PKIA: variants seen among roughly 807,000 people sequenced by gnomAD.
PKIA encodes the protein cAMP-dependent protein kinase inhibitor alpha.
In PKIA, 4 loss-of-function variants were observed where a neutral mutation model predicts 7.6. That is an observed-to-expected ratio of 0.52 (90% CI 0.26 to 1.20). The LOEUF (loss-of-function observed/expected upper bound fraction) is 1.20. Among genes scored for constraint, PKIA ranks in the 50% most tolerant of loss-of-function variants. The probability of loss-of-function intolerance (pLI) is 0.13; values close to 1 mark genes in which losing one functional copy is unlikely to be tolerated. For synonymous variants in PKIA, 21 were observed against 30.7 expected (o/e 0.68, Z 1.04); for missense variants, 73 against 86.2 (o/e 0.85, Z 0.61).
At chr8:78,528,483 G>T (rs1460459956) in intron 1 of PKIA, among the ~76,000 whole-genome samples, 1 of 151,948 alleles carries the variant, frequency 6.6e-6, no homozygotes, top group African/African-American at 2.4e-5. Context: ...CAATAGAAGT[G>T]ATGTTTCTAA....
At chr8:78,539,673 A>G (rs1806623580) in intron 1 of PKIA, among the ~76,000 whole-genome samples, 1 of 152,064 alleles carries the variant, frequency 6.6e-6, no homozygotes, top group African/African-American at 2.4e-5. Context: ...AAAAAAATGA[A>G]GAATATGTGA....
intron 1 of PKIA, among the ~76,000 whole-genome samples, chr8:78,536,464 G>A (rs1427356846): frequency 6.6e-6 from 1 of 152,094 alleles, no homozygotes; most frequent in East Asian, 1.9e-4. Flanking sequence ...AGAAAAAGAA[G>A]AGGAGTCTGA....
At chr8:78,562,748 A>T (rs1025082490) in intron 1 of PKIA, among the ~76,000 whole-genome samples, 3 of 152,008 alleles carry the variant, frequency 2.0e-5, no homozygotes, top group African/African-American at 7.3e-5. Flanking sequence ...TTGTTTACTT[A>T]TGTACTCTAC....
chr8:78,586,769 C>T (rs1245706673), intron 2 of PKIA, among the ~76,000 whole-genome samples: 1 of 152,078 alleles, frequency 6.6e-6, no homozygotes, highest in East Asian at 1.9e-4. Flanking sequence ...AGTTTATACC[C>T]CACTGCAAAC....
chr8:78,524,704 A>C (rs1225534235), intron 1 of PKIA, among the ~76,000 whole-genome samples: 1 of 151,964 alleles, frequency 6.6e-6, no homozygotes, highest in Admixed American at 6.6e-5. Context: ...ATTTCAAAGC[A>C]AAGCATGAAA....
At chr8:78,530,123 C>T (rs916651781) in intron 1 of PKIA, among the ~76,000 whole-genome samples, 16 of 151,932 alleles carry the variant, frequency 1.1e-4, no homozygotes, top group Non-Finnish European at 1.6e-4. Flanking sequence ...TTTAAATTAT[C>T]ACATAATTTT....
chr8:78,534,140 C>T (rs1463507319), intron 1 of PKIA: 2 of 152,026 alleles, frequency 1.3e-5, no homozygotes, highest in Admixed American at 6.6e-5. Context: ...AAGAAACTAA[C>T]CATCAGTGTT....
At chr8:78,525,813 T>G (rs1384618007) in intron 1 of PKIA, among the ~76,000 whole-genome samples, 1 of 151,994 alleles carries the variant, frequency 6.6e-6, no homozygotes, top group South Asian at 2.1e-4. Flanking sequence ...ATTTATTTAT[T>G]TGGGGACATT....
intron 1 of PKIA, among the ~76,000 whole-genome samples, chr8:78,517,603 A>G (rs1809339717): frequency 6.6e-6 from 1 of 152,160 alleles, no homozygotes; most frequent in Admixed American, 6.5e-5. Flanking sequence ...CAGAAAGCCA[A>G]TGGAGCTGCC....
chr8:78,589,500 C>G (rs909842512), intron 2 of PKIA, among the ~76,000 whole-genome samples: 1 of 151,846 alleles, frequency 6.6e-6, no homozygotes, highest in African/African-American at 2.4e-5. Context: ...GTATTTGAGT[C>G]TGATCTAAAG....
rs1027952915 is a variant in PKIA at position 78,602,903 on chromosome 8, T to C, written c.*1082T>C. 1.5e-4 allele frequency: 23 copies of C among 152,314 alleles called. No homozygotes were observed. Among genetic ancestry groups the C allele is most frequent in the African/African-American group, 5.3e-4 (22 of 41,396 alleles). 9.4% of individuals were successfully genotyped at this position (152,314 alleles called of 1,614,324 possible). A position where few individuals can be genotyped will look rare whatever the true frequency, so the allele number is the denominator to read the frequency against. On this transcript the variant is annotated 3_prime_UTR_variant, in exon 4 of 4. Transcript: ENST00000396418. ...GGAGAAAGTAATCTCCTTGCAATCA[T>C]GTGGACACCAATCACAAAAGTAAAG... is the stretch of plus-strand genomic sequence containing the variant.
chr8:78,528,972 A>C (rs1806325904), intron 1 of PKIA, among the ~76,000 whole-genome samples: 1 of 152,070 alleles, frequency 6.6e-6, no homozygotes, highest in African/African-American at 2.4e-5. Context: ...CTAATGTTGA[A>C]ATTGCTAAAA....
intron 1 of PKIA, among the ~76,000 whole-genome samples, chr8:78,549,262 G>A (rs1393837738): frequency 6.6e-6 from 1 of 152,006 alleles, no homozygotes; most frequent in Admixed American, 6.6e-5. Flanking sequence ...GCTATGTGTT[G>A]TATGACATGA....
At chr8:78,573,173 G>A (rs186281371) in intron 2 of PKIA, among the ~76,000 whole-genome samples, 5 of 152,112 alleles carry the variant, frequency 3.3e-5, no homozygotes, top group Admixed American at 2.0e-4. Context: ...CACTTAGTGA[G>A]CTCCATGCAT....
At position 78,521,438 on chromosome 8, in the gene PKIA, T is replaced by C. The variant is rs185253092; in HGVS notation, c.-157+4970T>C. Among the ~76,000 whole-genome samples, 456 of 152,100 alleles carry C rather than the reference T, an allele frequency of 3.0e-3. 4 individuals carry two copies. Among genetic ancestry groups the C allele is most frequent in the Non-Finnish European group, 3.3e-3 (225 of 67,934 alleles). On this transcript the variant is annotated intron_variant, in intron 1 of 3. Transcript: ENST00000396418. ...ATTCTCAGCTGATACTTAAAGGGAC[T>C]GGTACTAGCAAGCACGGTTCCTGAT... is the stretch of plus-strand genomic sequence containing the variant.
chr8:78,590,502 C>G (rs1003846245), intron 2 of PKIA, among the ~76,000 whole-genome samples: 5 of 152,020 alleles, frequency 3.3e-5, no homozygotes, highest in African/African-American at 1.2e-4. Context: ...GCCAGATTCT[C>G]TTATGTACTT....
chr8:78,557,812 C>T (rs1038230235), intron 1 of PKIA, among the ~76,000 whole-genome samples: 2 of 152,152 alleles, frequency 1.3e-5, no homozygotes, highest in Non-Finnish European at 2.9e-5. Context: ...TAGTTTTGAT[C>T]CAAATTTTGA....
At chr8:78,553,979 A>G (rs1807058800) in intron 1 of PKIA, among the ~76,000 whole-genome samples, 2 of 151,978 alleles carry the variant, frequency 1.3e-5, no homozygotes, top group Non-Finnish European at 2.9e-5. Context: ...CTTCATAGAC[A>G]TAGCAAAGAA....
intron 1 of PKIA, among the ~76,000 whole-genome samples, chr8:78,552,056 C>T (rs1806997303): frequency 6.6e-6 from 1 of 151,694 alleles, no homozygotes; most frequent in African/African-American, 2.4e-5. Flanking sequence ...GAAGATATTC[C>T]TGAATTGAAG....
Sources: gnomAD v4.1 joint callset for allele counts (sites outside exome capture counted in the v4.1 genomes callset) on GRCh38, gnomAD v4.1.1 for gene constraint, MANE v1.5 for transcripts, NCBI Gene and HGNC (gene_info 2026-07-23, HGNC 2026-07-21) for gene names.